Variants in CDH4 observed in about 807,000 individuals in gnomAD.
CDH4 encodes the protein cadherin-4.
A neutral mutation model predicts 86.0 loss-of-function variants in CDH4; 33 were observed. That is an observed-to-expected ratio of 0.38 (90% CI 0.29 to 0.51). The LOEUF is 0.51. Among genes scored for constraint, CDH4 ranks in the 20% least tolerant of loss-of-function variants. The probability of loss-of-function intolerance (pLI) is 0.86; values close to 1 mark genes in which losing one functional copy is unlikely to be tolerated. For synonymous variants in CDH4, 555 were observed against 549.4 expected, an observed-to-expected ratio of 1.01 and a Z score of -0.14; for missense variants, 1,114 against 1,307.4, an observed-to-expected ratio of 0.85 and a Z score of 2.28.
intron 7 of CDH4, among the ~76,000 whole-genome samples, chr20:61,891,407 C>T (rs1301410141): frequency 2.6e-5 from 4 of 152,210 alleles, no homozygotes; most frequent in Non-Finnish European, 5.9e-5. Flanking sequence ...GGAACCCTCT[C>T]CTGCAGGGGG....
chr20:61,258,772 G>A (rs996107493), intron 2 of CDH4, among the ~76,000 whole-genome samples: 17 of 152,260 alleles, frequency 1.1e-4, no homozygotes, highest in Admixed American at 7.2e-4. Context: ...TTAGTGCCTC[G>A]TCACTGCAAA....
At chr20:61,276,468 C>T (rs1319329430) in intron 2 of CDH4, among the ~76,000 whole-genome samples, 1 of 152,088 alleles carries the variant, frequency 6.6e-6, no homozygotes, top group Non-Finnish European at 1.5e-5. Flanking sequence ...TTGGTGTTTA[C>T]CTGGGGTTGT....
At chr20:61,723,555 T>G (rs977132902) in intron 2 of CDH4, among the ~76,000 whole-genome samples, 4 of 152,136 alleles carry the variant, frequency 2.6e-5, no homozygotes, top group African/African-American at 9.7e-5. Flanking sequence ...ATCCTCACTT[T>G]ACAGATACCC....
chr20:61,491,937 A>AGTGGTGCTGATGTTG (rs1371208542), intron 2 of CDH4, among the ~76,000 whole-genome samples: 2 of 149,972 alleles, frequency 1.3e-5, no homozygotes, highest in African/African-American at 4.9e-5. Context: ...TGATACTGTT[A>AGTGGTGCTGATGTTG]GTGGTGCTGA....
chr20:61,779,559 C>T (rs1266143168), intron 4 of CDH4, among the ~76,000 whole-genome samples: 1 of 152,240 alleles, frequency 6.6e-6, no homozygotes, highest in Admixed American at 6.5e-5. Context: ...TGAGCTTAAG[C>T]GGATTGAAGT....
At chr20:61,261,870 G>A (rs1223895598) in intron 2 of CDH4, among the ~76,000 whole-genome samples, 1 of 152,194 alleles carries the variant, frequency 6.6e-6, no homozygotes, top group Admixed American at 6.5e-5. Flanking sequence ...CTCGACACCG[G>A]GGGTTTGCAA....
chr20:61,885,874 G>A (rs1197748071), intron 7 of CDH4, among the ~76,000 whole-genome samples: 3 of 152,250 alleles, frequency 2.0e-5, no homozygotes, highest in African/African-American at 7.2e-5. Flanking sequence ...AGGGGATGGA[G>A]GTTCCAGCAG....
chr20:61,298,795 T>G (rs2084370803), intron 2 of CDH4, among the ~76,000 whole-genome samples: 1 of 130,862 alleles, frequency 7.6e-6, no homozygotes, highest in South Asian at 2.6e-4. Context: ...GGGTCTGAAA[T>G]GTATCGCTGG....
chr20:61,762,547 T>C (rs539514284), intron 3 of CDH4, among the ~76,000 whole-genome samples: 1 of 152,298 alleles, frequency 6.6e-6, no homozygotes, highest in East Asian at 1.9e-4. Flanking sequence ...GTTGCAAATA[T>C]TCTTCTCTTC....
intron 4 of CDH4, among the ~76,000 whole-genome samples, chr20:61,803,137 C>T (rs1047878637): frequency 3.9e-5 from 6 of 152,296 alleles, no homozygotes; most frequent in Non-Finnish European, 7.3e-5. Flanking sequence ...GCAGCTCCGT[C>T]GTTGACGGTG....
At position 61,586,866 on chromosome 20, in the gene CDH4, G is replaced by A. The variant is rs1371918094; in HGVS notation, c.170-156697G>A. Among the ~76,000 whole-genome samples, 3 of 152,092 alleles carry A rather than the reference G, an allele frequency of 2.0e-5. No homozygotes were observed. In the East Asian group the frequency reaches 5.8e-4, roughly 29 times the overall value. On this transcript the variant is annotated intron_variant, in intron 2 of 15. Coordinates refer to ENST00000614565, the MANE Select transcript of CDH4 (RefSeq NM_001794.5). Reference sequence around the variant, plus strand: ...ACAGTTCAAAAAATAATCCACTGAGGCACATTATTTAATTTATCATTCCAT... The same window carrying A: ...ACAGTTCAAAAAATAATCCACTGAGACACATTATTTAATTTATCATTCCAT...
chr20:61,337,123 G>A (rs1339056046), intron 2 of CDH4, among the ~76,000 whole-genome samples: 1 of 151,942 alleles, frequency 6.6e-6, no homozygotes, highest in Admixed American at 6.6e-5. Context: ...CTCTCTGAGT[G>A]ACTGATCCTT....
chr20:61,607,477 A>G (rs1441163078), intron 2 of CDH4, among the ~76,000 whole-genome samples: 2 of 152,246 alleles, frequency 1.3e-5, no homozygotes, highest in Admixed American at 6.5e-5. Context: ...AAAAAAATGG[A>G]AAGCCCAACA....
At chr20:61,432,376 C>T (rs1353359184) in intron 2 of CDH4, among the ~76,000 whole-genome samples, 1 of 152,134 alleles carries the variant, frequency 6.6e-6, no homozygotes, top group East Asian at 1.9e-4. Context: ...ATTTTCACTT[C>T]CCTGGATACT....
At chr20:61,690,201 C>A (rs2087638091) in intron 2 of CDH4, among the ~76,000 whole-genome samples, 2 of 151,768 alleles carry the variant, frequency 1.3e-5, no homozygotes, top group African/African-American at 2.4e-5. Context: ...TGGAATTGGG[C>A]TGGGATAATG....
chr20:61,534,495 C>T (rs1455840961), intron 2 of CDH4, among the ~76,000 whole-genome samples: 1 of 152,142 alleles, frequency 6.6e-6, no homozygotes, highest in Non-Finnish European at 1.5e-5. Flanking sequence ...TGATCGGAGG[C>T]TGAGAGCCTG....
chr20:61,280,033 T>A (rs6028089), intron 2 of CDH4, among the ~76,000 whole-genome samples: 1 of 152,046 alleles, frequency 6.6e-6, no homozygotes, highest in Admixed American at 6.5e-5. Context: ...GCTGTGTGGG[T>A]GGGGCAGGCG....
chr20:61,473,221 ATAAT>A (rs1259383217), intron 2 of CDH4, among the ~76,000 whole-genome samples: 2 of 152,226 alleles, frequency 1.3e-5, no homozygotes, highest in Admixed American at 6.5e-5. Flanking sequence ...AGGTGGTAAA[ATAAT>A]TCTGAAGTGA....
At chr20:61,910,750 C>A in intron 9 of CDH4, 143 bp downstream of exon 9, 1 of 742,214 alleles carries the variant, frequency 1.3e-6, no homozygotes, top group Non-Finnish European at 2.2e-6. Context: ...ACCCAACCTG[C>A]TGGAGGCAGA....
Sources: allele counts gnomAD v4.1 joint callset (sites outside exome capture counted in the v4.1 genomes callset), GRCh38; gene constraint gnomAD v4.1.1; transcripts MANE v1.5; gene names NCBI Gene and HGNC (gene_info 2026-07-23, HGNC 2026-07-21).